Variants in ATM observed in about 807,000 individuals in gnomAD.
The protein encoded by ATM is serine-protein kinase ATM.
ATM carries 308 observed loss-of-function variants against 387.0 expected under a neutral mutation model. The ratio of observed to expected loss-of-function variants is 0.80; its 90% CI spans 0.73 to 0.87. ATM has a LOEUF of 0.87. Among genes scored for constraint, ATM ranks in the 40% least tolerant of loss-of-function variants. The pLI is 0.00. For missense variants in ATM, 3,312 were observed against 3,560.9 expected, an observed-to-expected ratio of 0.93 and a Z score of 1.78; for synonymous variants, 1,156 against 1,187.3, an observed-to-expected ratio of 0.97 and a Z score of 0.54.
intron 3 of ATM, 29 bp downstream of exon 3, chr11:108,227,917 T>C (rs1591447657): frequency 6.5e-7 from 1 of 1,538,462 alleles, no homozygotes; most frequent in African/African-American, 1.4e-5. Flanking sequence ...TTTTACTGTC[T>C]TTATTTTTCT....
At chr11:108,282,948 C>T (rs2135692943) in intron 25 of ATM, 69 bp downstream of exon 25, 3 of 1,061,340 alleles carry the variant, frequency 2.8e-6, no homozygotes, top group East Asian at 2.6e-5. Flanking sequence ...TAGCAAGTCC[C>T]CTCACCAGCA....
At chr11:108,289,187 A>T (rs1333916877) in intron 28 of ATM, 84 bp downstream of exon 28, 2 of 1,354,158 alleles carry the variant, frequency 1.5e-6, no homozygotes, top group African/African-American at 3.0e-5. Flanking sequence ...TAAAGAGGAA[A>T]AGTAAACAAA....
intron 56 of ATM, among the ~76,000 whole-genome samples, chr11:108,342,413 AATATAC>A (rs1288750816): frequency 2.0e-5 from 3 of 152,194 alleles, no homozygotes; most frequent in Non-Finnish European, 2.9e-5. Context: ...AAATTACAGA[AATATAC>A]ATATAGTATC....
rs2084783116 is a variant in ATM at position 108,317,437 on chromosome 11, A to G, written c.6263A>G (p.Asn2088Ser). 3 of 1,612,766 alleles carry G rather than the reference A, an allele frequency of 1.9e-6. No individual in the cohort carries two copies. Among genetic ancestry groups the G allele is most frequent in the Non-Finnish European group, 1.7e-6 (2 of 1,179,456 alleles). ...SVYLKGLDYE[N>S]KDWCPELEEL... Reference sequence around the variant, plus strand: ...TATTTAAAAGGATTGGATTATGAAAATAAAGACTGGTGTCCTGAACTAGAA... The same window carrying G: ...TATTTAAAAGGATTGGATTATGAAAGTAAAGACTGGTGTCCTGAACTAGAA... The change falls in exon 43 of 63, where the codon AAT becomes AGT. Residue 2088 changes from asparagine (N) to serine (S), a missense_variant. Physicochemically the swap from Asn to Ser is conservative, Grantham distance 46. Transcript: ENST00000675843.
intron 22 of ATM, among the ~76,000 whole-genome samples, chr11:108,276,080 C>G (rs1299006628): frequency 6.6e-6 from 1 of 152,060 alleles, no homozygotes; most frequent in Non-Finnish European, 1.5e-5. Flanking sequence ...TTTCTCTAAT[C>G]TTGTCTTCAT....
At chr11:108,355,979 C>T (rs1188028462) in intron 61 of ATM, 2 of 152,230 alleles carry the variant, frequency 1.3e-5, no homozygotes, top group South Asian at 2.1e-4. Context: ...TGAAATAGGT[C>T]CCAATAATAC....
intron 1 of ATM, chr11:108,226,055 C>T (rs1294976660): frequency 6.6e-6 from 1 of 152,026 alleles, no homozygotes; most frequent in Admixed American, 6.5e-5. Context: ...TCTCTGTTTA[C>T]AGACATTCAT....
intron 16 of ATM, among the ~76,000 whole-genome samples, chr11:108,265,223 C>T (rs2081157510): frequency 1.3e-5 from 2 of 151,958 alleles, no homozygotes; most frequent in East Asian, 1.9e-4. Context: ...CACTACCTGA[C>T]TTCAAACTAT....
rs200735689 is a variant in ATM, at chr11:108,326,138, A to C, written c.6888A>C (p.Ala2296=). 6.2e-7 allele frequency: 1 copy of C among 1,614,064 alleles called. No individual in the cohort carries two copies. The highest frequency in any genetic ancestry group is 1.3e-5 in the African/African-American group (1 of 74,936). Reference sequence around the variant, plus strand: ...TCTCTGAGTGGCAGCTGGAAGAAGCACAAGTATTCTGGGCAAAAAAGGAGC... The same window carrying C: ...TCTCTGAGTGGCAGCTGGAAGAAGCCCAAGTATTCTGGGCAAAAAAGGAGC... ...CGVSEWQLEE[A]QVFWAKKEQS... The change falls in exon 47 of 63, where the codon GCA becomes GCC. Residue 2296 remains alanine, a synonymous_variant. Transcript: ENST00000675843.
At chr11:108,292,059 A>T (rs1381068965) in intron 29 of ATM, among the ~76,000 whole-genome samples, 1 of 152,198 alleles carries the variant, frequency 6.6e-6, no homozygotes, top group Non-Finnish European at 1.5e-5. Flanking sequence ...AGCAACACCC[A>T]TATCTTTTGT....
rs141328711 is a variant in ATM, at chr11:108,354,068, CAA to C, written c.8786+190_8786+191del. ...CTGTATCTAAAAAAATACACACACA[CAA>C]ACACACACACACACACACACACACA... On this transcript the variant is annotated intron_variant, in intron 60 of 62. Transcript: ENST00000675843. 0.28 allele frequency among the ~76,000 whole-genome samples: 32,382 copies of C among 114,198 alleles called. 4,118 individuals are homozygous for C. Among genetic ancestry groups the C allele is most frequent in the Middle Eastern group, 0.54 (135 of 252 alleles). The allele number at this position is 114,198 out of a possible 152,430, so 74.9% of individuals were successfully genotyped here.
At chr11:108,242,466 G>T (rs2079609613) in intron 5 of ATM, among the ~76,000 whole-genome samples, 1 of 152,086 alleles carries the variant, frequency 6.6e-6, no homozygotes, top group Admixed American at 6.6e-5. Flanking sequence ...AAAAATAAAA[G>T]GCATACAGAT....
intron 62 of ATM, 29 bp from the exon 63 acceptor site, chr11:108,365,296 C>G (rs1791487703): frequency 6.2e-7 from 1 of 1,614,032 alleles, no homozygotes; most frequent in Non-Finnish European, 8.5e-7. Flanking sequence ...CTGTTCACCT[C>G]ACTGAAACCT....
At chr11:108,256,609 C>T (rs1306529052) in intron 14 of ATM, among the ~76,000 whole-genome samples, 3 of 152,072 alleles carry the variant, frequency 2.0e-5, no homozygotes, top group Non-Finnish European at 4.4e-5. Flanking sequence ...TGGTGGTTTG[C>T]TGCACCCATC....
intron 44 of ATM, among the ~76,000 whole-genome samples, chr11:108,321,023 T>C (rs757445245): frequency 2.0e-5 from 3 of 152,134 alleles, no homozygotes; most frequent in Non-Finnish European, 4.4e-5. Context: ...GCCACCTTCA[T>C]GTTGAGTAGG....
At chr11:108,263,779 T>C (rs2081053932) in intron 16 of ATM, among the ~76,000 whole-genome samples, 1 of 147,732 alleles carries the variant, frequency 6.8e-6, no homozygotes, top group African/African-American at 2.5e-5. Flanking sequence ...ATAGACGCAA[T>C]AAAAAATGAT....
chr11:108,361,190 A>G (rs1256110046), intron 61 of ATM, among the ~76,000 whole-genome samples: 1 of 114,424 alleles, frequency 8.7e-6, no homozygotes, highest in Non-Finnish European at 1.8e-5. Context: ...GTGAACTCCC[A>G]TTCACAATTG....
At chr11:108,226,020 A>T (rs542911142) in intron 1 of ATM, 1 of 152,196 alleles carries the variant, frequency 6.6e-6, no homozygotes, top group African/African-American at 2.4e-5. Context: ...TTGTAGGTAT[A>T]ATATACATAA....
chr11:108,236,774 T>G (rs2079299988), intron 5 of ATM, among the ~76,000 whole-genome samples: 1 of 152,162 alleles, frequency 6.6e-6, no homozygotes, highest in Non-Finnish European at 1.5e-5. Flanking sequence ...CTGGTGTTGT[T>G]TCCTGTTTAT....
Sources: gnomAD v4.1 joint callset for allele counts (sites outside exome capture counted in the v4.1 genomes callset) on GRCh38, gnomAD v4.1.1 for gene constraint, MANE v1.5 for transcripts, NCBI Gene and HGNC (gene_info 2026-07-23, HGNC 2026-07-21) for gene names.